Variants in DCLK2 observed in about 807,000 individuals in gnomAD.
The protein encoded by DCLK2 is serine/threonine-protein kinase DCLK2.
In DCLK2, 31 loss-of-function variants were observed where a neutral mutation model predicts 78.4. That is an observed-to-expected ratio of 0.40 (90% CI 0.30 to 0.53). DCLK2 has a LOEUF of 0.53. DCLK2 is among the 20% of genes least tolerant of loss of function. The probability of loss-of-function intolerance (pLI) is 0.61; values close to 1 mark genes in which losing one functional copy is unlikely to be tolerated. For missense variants in DCLK2, 872 were observed against 973.7 expected, an observed-to-expected ratio of 0.90 and a Z score of 1.39; for synonymous variants, 407 against 374.9, an observed-to-expected ratio of 1.09 and a Z score of -0.99.
intron 5 of DCLK2, among the ~76,000 whole-genome samples, chr4:150,208,563 C>G (rs1740034360): frequency 6.6e-6 from 1 of 151,618 alleles, no homozygotes; most frequent in Non-Finnish European, 1.5e-5. Context: ...CACATTTGCT[C>G]CACAGGAAAA....
intron 3 of DCLK2, among the ~76,000 whole-genome samples, chr4:150,195,610 G>T: frequency 7.2e-6 from 1 of 139,798 alleles, no homozygotes; most frequent in Non-Finnish European, 1.5e-5. Flanking sequence ...AATATGTTCT[G>T]GTTTATAAAG....
intron 2 of DCLK2, among the ~76,000 whole-genome samples, chr4:150,126,534 G>A (rs926815382): frequency 1.3e-5 from 2 of 152,162 alleles, no homozygotes; most frequent in Admixed American, 1.3e-4. Flanking sequence ...TTTTAATTTG[G>A]TGCTTTAATT....
chr4:150,179,312 G>T (rs1737328096), intron 2 of DCLK2, among the ~76,000 whole-genome samples: 1 of 152,170 alleles, frequency 6.6e-6, no homozygotes, highest in Non-Finnish European at 1.5e-5. Context: ...ACAGGTGTGA[G>T]CCACTGCGCC....
chr4:150,172,459 T>C (rs989912769), intron 2 of DCLK2, among the ~76,000 whole-genome samples: 18 of 151,370 alleles, frequency 1.2e-4, no homozygotes, highest in Admixed American at 5.3e-4. Flanking sequence ...AAAAAAAAAT[T>C]AGCCGGGCAT....
chr4:150,218,048 TCAC>T (rs1740862283), intron 5 of DCLK2, among the ~76,000 whole-genome samples: 2 of 151,970 alleles, frequency 1.3e-5, no homozygotes, highest in African/African-American at 4.8e-5. Flanking sequence ...TTGCTCGCTC[TCAC>T]TCTCGCTCTC....
At chr4:150,244,619 C>G (rs953429605) in intron 12 of DCLK2, among the ~76,000 whole-genome samples, 1 of 152,202 alleles carries the variant, frequency 6.6e-6, no homozygotes, top group Admixed American at 6.5e-5. Context: ...TTAAAAATGC[C>G]ATGAAGGATC....
intron 5 of DCLK2, among the ~76,000 whole-genome samples, chr4:150,219,095 T>C (rs1469496202): frequency 1.3e-5 from 2 of 151,836 alleles, no homozygotes; most frequent in Non-Finnish European, 2.9e-5. Context: ...TCCCAGCTAC[T>C]TGGGAGACTG....
At chr4:150,243,186 G>GAGC (rs1464622327) in intron 12 of DCLK2, among the ~76,000 whole-genome samples, 1 of 152,200 alleles carries the variant, frequency 6.6e-6, no homozygotes, top group Non-Finnish European at 1.5e-5. Flanking sequence ...ACTGAACGGG[G>GAGC]AGCAGCTTTT....
chr4:150,191,591 G>A (rs1351857448), intron 2 of DCLK2, among the ~76,000 whole-genome samples: 1 of 152,136 alleles, frequency 6.6e-6, no homozygotes, highest in Non-Finnish European at 1.5e-5. Context: ...AGATAGAAGA[G>A]AACAGGAACA....
intron 2 of DCLK2, among the ~76,000 whole-genome samples, chr4:150,141,661 T>C (rs924750650): frequency 2.0e-5 from 3 of 152,216 alleles, no homozygotes; most frequent in Non-Finnish European, 2.9e-5. Context: ...CAGAGAATTT[T>C]TAAGATCTTA....
chr4:150,080,406 G>C (rs1729171465), intron 1 of DCLK2, among the ~76,000 whole-genome samples: 1 of 152,148 alleles, frequency 6.6e-6, no homozygotes, highest in African/African-American at 2.4e-5. Context: ...GGTAGAAAAG[G>C]CATTATCAGT....
intron 5 of DCLK2, among the ~76,000 whole-genome samples, chr4:150,212,693 A>G (rs1169880211): frequency 1.3e-5 from 2 of 152,260 alleles, no homozygotes; most frequent in Non-Finnish European, 2.9e-5. Flanking sequence ...CTTGGGAAGT[A>G]AATGACTCAC....
rs566599924 is a variant in DCLK2 at position 150,238,676 on chromosome 4, C to T, written c.1567-1066C>T. 4.6e-5 allele frequency among the ~76,000 whole-genome samples: 7 copies of T among 152,072 alleles called. No homozygotes were observed. The East Asian group carries it at 1.4e-3, about 29-fold the overall frequency. ...CATCTGATTACCCACAAGGAAGGAG[C>T]ATTTATTGAGCCCTGTTCTGAGCTT... On this transcript the variant is annotated intron_variant, in intron 10 of 15. Transcript: ENST00000296550.
intron 2 of DCLK2, among the ~76,000 whole-genome samples, chr4:150,117,514 C>G (rs4301089): frequency 0.34 from 51,988 of 152,044 alleles, 9,202 homozygotes; most frequent in East Asian, 0.42. Context: ...TTCATCCCCC[C>G]CTTAAGATTA....
intron 8 of DCLK2, among the ~76,000 whole-genome samples, chr4:150,230,529 A>T (rs750250891): frequency 3.9e-5 from 6 of 152,196 alleles, no homozygotes; most frequent in Non-Finnish European, 7.3e-5. Context: ...CTATTTAATG[A>T]CAGTAGCAAC....
intron 12 of DCLK2, among the ~76,000 whole-genome samples, chr4:150,247,344 A>C (rs1412100328): frequency 1.3e-5 from 2 of 151,826 alleles, no homozygotes; most frequent in Non-Finnish European, 2.9e-5. Context: ...CCAAACCGAA[A>C]CTCTGCATTC....
chr4:150,192,724 A>G (rs1188111651), intron 2 of DCLK2, among the ~76,000 whole-genome samples: 1 of 152,138 alleles, frequency 6.6e-6, no homozygotes, highest in Non-Finnish European at 1.5e-5. Context: ...GGTACAGAGA[A>G]GTCACACCCA....
chr4:150,148,033 G>A (rs1484510679), intron 2 of DCLK2, among the ~76,000 whole-genome samples: 1 of 152,126 alleles, frequency 6.6e-6, no homozygotes, highest in Non-Finnish European at 1.5e-5. Flanking sequence ...TAGTTTATTG[G>A]TAAATGAAAA....
chr4:150,107,420 C>G (rs1731343817), intron 2 of DCLK2, among the ~76,000 whole-genome samples: 2 of 145,030 alleles, frequency 1.4e-5, no homozygotes, highest in African/African-American at 5.3e-5. Flanking sequence ...ACTCTGTCAC[C>G]CAGGCTAAAG....
Sources: gnomAD v4.1 joint callset for allele counts (sites outside exome capture counted in the v4.1 genomes callset) on GRCh38, gnomAD v4.1.1 for gene constraint, MANE v1.5 for transcripts, NCBI Gene and HGNC (gene_info 2026-07-23, HGNC 2026-07-21) for gene names.